Variants in POFUT3 observed in about 807,000 individuals in gnomAD.
POFUT3 encodes protein O-fucosyltransferase 3.
the POFUT3 span, among the ~76,000 whole-genome samples, chr8:33,403,972 G>A: frequency 6.6e-6 from 1 of 152,070 alleles, no homozygotes; most frequent in Admixed American, 6.6e-5. Context: ...AGCTGTGGCA[G>A]GACACATCTG....
At chr8:33,327,300 G>C in the POFUT3 span, among the ~76,000 whole-genome samples, 1 of 152,120 alleles carries the variant, frequency 6.6e-6, no homozygotes, top group Non-Finnish European at 1.5e-5. Flanking sequence ...GTGACACACT[G>C]TAAGATGTCT....
the POFUT3 span, among the ~76,000 whole-genome samples, chr8:33,320,964 G>C: frequency 6.6e-6 from 1 of 152,054 alleles, no homozygotes; most frequent in East Asian, 1.9e-4. Context: ...GGGAGGCCTG[G>C]CTCATTGGAA....
At chr8:33,330,167 C>T in the POFUT3 span, among the ~76,000 whole-genome samples, 2 of 152,198 alleles carry the variant, frequency 1.3e-5, no homozygotes, top group South Asian at 2.1e-4. Context: ...ATTTCCAGGC[C>T]GGGTGCAGTG....
chr8:33,461,383 C>T, the POFUT3 span: 1 of 1,610,064 alleles, frequency 6.2e-7, no homozygotes, highest in African/African-American at 1.3e-5. Flanking sequence ...TGGAGTGTGA[C>T]AAGCAGAAAG....
chr8:33,401,411 CT>C, the POFUT3 span, among the ~76,000 whole-genome samples: 12 of 151,900 alleles, frequency 7.9e-5, no homozygotes, highest in Non-Finnish European at 1.8e-4. Context: ...GGCATTCATA[CT>C]ACACCACTGC....
chr8:33,372,099 T>C, the POFUT3 span: 1 of 946,278 alleles, frequency 1.1e-6, no homozygotes, highest in Non-Finnish European at 1.3e-6. Flanking sequence ...ACAGCTTTTA[T>C]TACTCACTTA....
the POFUT3 span, among the ~76,000 whole-genome samples, chr8:33,379,846 A>AAT: frequency 2.0e-5 from 2 of 102,162 alleles, no homozygotes; most frequent in African/African-American, 9.1e-5. Context: ...AAAAAAAAAA[A>AAT]ATATATATAT....
chr8:33,389,421 G>T, the POFUT3 span: 1 of 1,614,180 alleles, frequency 6.2e-7, no homozygotes, highest in South Asian at 1.1e-5. Flanking sequence ...TGCTGAGGGA[G>T]GTCTTTGTTT....
the POFUT3 span, among the ~76,000 whole-genome samples, chr8:33,384,463 T>C: frequency 6.6e-6 from 1 of 152,166 alleles, no homozygotes; most frequent in African/African-American, 2.4e-5. Context: ...ACCTTAGATA[T>C]ACTCATGGGG....
chr8:33,431,547 CAAAAAAAAAAAAAAAAAAAAAAAAA>C, the POFUT3 span, among the ~76,000 whole-genome samples: 3,186 of 35,190 alleles, frequency 0.091, 190 homozygotes, highest in African/African-American at 0.22. Flanking sequence ...GACCCTGTCT[CAAAAAAAAAAAAAAAAAAAAAAAAA>C]AAAAAAAAAA....
At chr8:33,446,407 A>G in the POFUT3 span, among the ~76,000 whole-genome samples, 2 of 151,272 alleles carry the variant, frequency 1.3e-5, no homozygotes, top group Non-Finnish European at 1.5e-5. Context: ...CAATGAGTCG[A>G]TATCACACCA....
At chr8:33,417,235 C>A in the POFUT3 span, among the ~76,000 whole-genome samples, 26 of 152,320 alleles carry the variant, frequency 1.7e-4, no homozygotes, top group East Asian at 4.0e-3. Context: ...TCTCCCATCA[C>A]CCCCAGATGG....
chr8:33,354,041 GCT>G, the POFUT3 span, among the ~76,000 whole-genome samples: 1 of 151,958 alleles, frequency 6.6e-6, no homozygotes, highest in Non-Finnish European at 1.5e-5. Flanking sequence ...TATCCATACA[GCT>G]CTGTTACTTG....
At chr8:33,466,120 C>T in the POFUT3 span, among the ~76,000 whole-genome samples, 2 of 152,056 alleles carry the variant, frequency 1.3e-5, no homozygotes, top group South Asian at 2.1e-4. Context: ...CAGGGAACAA[C>T]GTATGGTTAA....
At chr8:33,389,481 G>A in the POFUT3 span, 27 of 1,614,162 alleles carry the variant, frequency 1.7e-5, no homozygotes, top group Middle Eastern at 3.3e-4. Context: ...ATCAGCTCGC[G>A]AACATAGCTG....
chr8:33,395,639 T>C, the POFUT3 span, among the ~76,000 whole-genome samples: 1 of 151,970 alleles, frequency 6.6e-6, no homozygotes, highest in Non-Finnish European at 1.5e-5. Flanking sequence ...TGAGCGTAGG[T>C]TCAAGAGGCT....
the POFUT3 span, among the ~76,000 whole-genome samples, chr8:33,336,098 G>A: frequency 6.6e-6 from 1 of 152,180 alleles, no homozygotes; most frequent in Non-Finnish European, 1.5e-5. Flanking sequence ...TCACAATGTA[G>A]TTACAGACAC....
chr8:33,415,541 A>T, the POFUT3 span, among the ~76,000 whole-genome samples: 1 of 152,120 alleles, frequency 6.6e-6, no homozygotes, highest in Non-Finnish European at 1.5e-5. Context: ...CCAGGTCCCC[A>T]CCCTCATACA....
At chr8:33,434,807 G>A in the POFUT3 span, among the ~76,000 whole-genome samples, 10 of 152,260 alleles carry the variant, frequency 6.6e-5, no homozygotes, top group East Asian at 1.4e-3. Flanking sequence ...GCAGCTCCTC[G>A]CTCCCCGAGG....
Sources: allele counts gnomAD v4.1 joint callset (sites outside exome capture counted in the v4.1 genomes callset), GRCh38; gene constraint gnomAD v4.1.1; transcripts MANE v1.5; gene names NCBI Gene and HGNC (gene_info 2026-07-23, HGNC 2026-07-21).